The following GSDMD variants were observed in gnomAD, a reference collection of about 807,000 sequenced individuals.
GSDMD encodes the protein gasdermin D, also known as gasdermin-D.
GSDMD carries 46 observed loss-of-function variants against 46.7 expected under a neutral mutation model. That is an observed-to-expected ratio of 0.99 (90% confidence interval 0.78 to 1.26). GSDMD has a LOEUF of 1.26. GSDMD is among the 50% of genes most tolerant of loss of function. The pLI is 0.00. For synonymous variants in GSDMD, 307 were observed against 283.1 expected (o/e 1.08, Z -0.85); for missense variants, 649 against 638.8 (o/e 1.02, Z -0.17).
chr8:143,557,441 A>ACGAAGGATGCTGCCGCTTTGG (rs1823332625), upstream of GSDMD, among the ~76,000 whole-genome samples: 1 of 75,954 alleles, frequency 1.3e-5, no homozygotes, highest in Admixed American at 1.3e-4. Context: ...TGCCGCTGTG[A>ACGAAGGATGCTGCCGCTTTGG]CGACGGATGC....
At chr8:143,561,457 G>A (rs368469297) in intron 6 of GSDMD, 34 bp downstream of exon 6, 273 of 1,594,398 alleles carry the variant, frequency 1.7e-4, no homozygotes, top group Non-Finnish European at 2.3e-4. Context: ...TGGGGTGTCC[G>A]GTGGGAAAAG....
Position 143,559,466 on chromosome 8 carries a change from C to T in GSDMD, c.131C>T (p.Pro44Leu), listed in dbSNP as rs1250845211. 5.0e-6 allele frequency: 8 copies of T among 1,612,810 alleles called. No homozygotes were observed. The highest frequency in any genetic ancestry group is 6.8e-6 in the Non-Finnish European group (8 of 1,180,008). Residue 44 changes from proline to leucine, a missense_variant, in exon 2 of 11, where the codon CCC becomes CTC. Coordinates refer to ENST00000262580, the MANE Select transcript of GSDMD (RefSeq NM_024736.7). ...CCCTACTGCCTGGTGGTTAGGAAGCCCTCAAGCTCATGGTTCTGGAAACCC... is the reference window on the plus strand; with the variant it reads ...CCCTACTGCCTGGTGGTTAGGAAGCTCTCAAGCTCATGGTTCTGGAAACCC... ...FQPYCLVVRK[P>L]SSSWFWKPRY... is the part of the protein sequence containing the mutation.
At chr8:143,559,208 C>G in intron 1 of GSDMD, 124 bp from the exon 2 acceptor site, 4 of 655,882 alleles carry the variant, frequency 6.1e-6, no homozygotes, top group South Asian at 5.7e-5. Flanking sequence ...CCAGGATGAG[C>G]TGGGCAGGGC....
In GSDMD at chr8:143,559,816, T is replaced by C. The variant is rs1298454305; in HGVS notation, c.257T>C (p.Met86Thr). 1.2e-6 allele frequency: 2 copies of C among 1,610,236 alleles called. No homozygotes were observed. The highest frequency in any genetic ancestry group is 1.7e-6 in the Non-Finnish European group (2 of 1,178,646). The change falls in exon 3 of 11, where the codon ATG becomes ACG. Residue 86 changes from methionine (M) to threonine (T), a missense_variant. Physicochemically the swap from Met to Thr is moderately conservative, Grantham distance 81. Coordinates refer to ENST00000262580, the MANE Select transcript of GSDMD (RefSeq NM_024736.7). ...AGGAGCTTCCACTTCTACGATGCCATGGATGGGCAGATACAGGGCAGCGTG... is the reference window on the plus strand; with the variant it reads ...AGGAGCTTCCACTTCTACGATGCCACGGATGGGCAGATACAGGGCAGCGTG... ...RGRSFHFYDA[M>T]DGQIQGSVEL...
At chr8:143,555,657 G>C (rs865779163), upstream of GSDMD, among the ~76,000 whole-genome samples, 2 of 152,212 alleles carry the variant, frequency 1.3e-5, no homozygotes, top group Non-Finnish European at 2.9e-5. Flanking sequence ...CCACACCCCA[G>C]GGCGCTGGCT....
intron 10 of GSDMD, 48 bp from the exon 11 acceptor site, chr8:143,562,614 A>G (rs1168629238): frequency 1.3e-6 from 2 of 1,598,204 alleles, no homozygotes; most frequent in Admixed American, 1.7e-5. Context: ...GGCAGGCACA[A>G]GATGCCCAGA....
chr8:143,557,358 C>T (rs1358998483), upstream of GSDMD, among the ~76,000 whole-genome samples: 3 of 150,040 alleles, frequency 2.0e-5, no homozygotes, highest in African/African-American at 7.5e-5. Context: ...GCCGCTTTGG[C>T]GAAGGATGCT....
upstream of GSDMD, among the ~76,000 whole-genome samples, chr8:143,556,896 A>C (rs1009467445): frequency 6.6e-6 from 1 of 152,252 alleles, no homozygotes; most frequent in African/African-American, 2.4e-5. Context: ...TAAAGTGTGC[A>C]ATTCTGTGGG....
chr8:143,558,472 T>TC (rs1563903865), intron 1 of GSDMD, 21 bp downstream of exon 1: 4 of 1,459,966 alleles, frequency 2.7e-6, no homozygotes, highest in African/African-American at 3.0e-5. Context: ...CCCCGCCCCC[T>TC]CCCCCGGCCT....
In GSDMD at chr8:143,558,990, C is replaced by T. The variant is rs1489126036; in HGVS notation, c.-4-342C>T. 1.2e-5 allele frequency: 6 copies of T among 494,890 alleles called. No individual in the cohort carries two copies. In the East Asian group the frequency reaches 1.5e-4, roughly 12 times the overall value. The allele number at this position is 494,890 out of a possible 1,614,324, so 30.7% of individuals were successfully genotyped here. A position where few individuals can be genotyped will look rare whatever the true frequency, so the allele number is the denominator to read the frequency against. ...GGCTGGGTTTTGCAGTGGGTCCCTG[C>T]ACCACGCTCAGGAGGTGACAGCTTG... is the stretch of plus-strand genomic sequence containing the variant. On this transcript the variant is annotated intron_variant, in intron 1 of 10. Coordinates refer to ENST00000262580, the MANE Select transcript of GSDMD (RefSeq NM_024736.7).
In GSDMD at chr8:143,562,137, CG is replaced by C; in HGVS notation, c.996+11del. ...TGCGAGCCTTGGAGGAGGCGGTGAG[CG>C]GGGGAGGGTGCCCGGGGCACACAAG... On this transcript the variant is annotated splice_region_variant and intron_variant, in intron 8 of 10. Transcript: ENST00000262580. 1.3e-6 allele frequency: 2 copies of C among 1,597,836 alleles called. No individual in the cohort carries two copies. The highest frequency in any genetic ancestry group is 1.7e-6 in the Non-Finnish European group (2 of 1,179,088).
rs1357213288 is a variant in GSDMD at position 143,559,490 on chromosome 8, C to G, written c.155C>G (p.Pro52Arg). The G allele has an allele frequency of 1.9e-6, 3 of 1,612,786 alleles. No individual in the cohort carries two copies. Residue 52 changes from proline (P) to arginine (R), a missense_variant, in exon 2 of 11, where the codon CCC becomes CGC. Physicochemically the swap from Pro to Arg is moderately radical, Grantham distance 103. Coordinates refer to ENST00000262580, the MANE Select transcript of GSDMD (RefSeq NM_024736.7). ...RKPSSSWFWK[P>R]RYKCVNLSIK... ...CCCTCAAGCTCATGGTTCTGGAAAC[C>G]CCGTTATAAGTGTGTCAACCTGTCT...
upstream of GSDMD, chr8:143,557,791 C>T: frequency 3.1e-6 from 1 of 322,360 alleles, no homozygotes; most frequent in South Asian, 2.3e-5. Flanking sequence ...TCCTTGATGA[C>T]TAAGGGTGTT....
rs1249262263 is a variant in GSDMD, at chr8:143,563,051, A to G, written c.*147A>G. 1 of 1,051,952 alleles carries G rather than the reference A, an allele frequency of 9.5e-7. No homozygotes were observed. Among genetic ancestry groups the G allele is most frequent in the African/African-American group, 1.6e-5 (1 of 61,556 alleles). The allele number at this position is 1,051,952 out of a possible 1,614,324, so 65.2% of individuals were successfully genotyped here. The stretch of plus-strand genomic sequence containing the variant: ...GTTGGGGAAACACAATAAAGGTGGC[A>G]TACGAAGGAAAGGCTGGTAGCAGAG... On this transcript the variant is annotated 3_prime_UTR_variant, in exon 11 of 11. Transcript: ENST00000262580.
Position 143,561,435 on chromosome 8 carries a change from G to A in GSDMD, c.736+12G>A. 1 of 1,609,614 alleles carries A rather than the reference G, an allele frequency of 6.2e-7. No individual in the cohort carries two copies. Among genetic ancestry groups the A allele is most frequent in the Non-Finnish European group, 8.5e-7 (1 of 1,178,814 alleles). ...GCCACCCGCGACAGGTGAGAGCCGAGAGCCCCCAGCATGGGGTGTCCGGTG... is the reference window on the plus strand; with the variant it reads ...GCCACCCGCGACAGGTGAGAGCCGAAAGCCCCCAGCATGGGGTGTCCGGTG... On this transcript the variant is annotated intron_variant, in intron 6 of 10. Transcript: ENST00000262580.
Position 143,561,426 on chromosome 8 carries a change from G to A in GSDMD, c.736+3G>A. 4 of 1,611,000 alleles carry A rather than the reference G, an allele frequency of 2.5e-6. No individual in the cohort carries two copies. The highest frequency in any genetic ancestry group is 4.5e-5 in the East Asian group (2 of 44,868). On this transcript the variant is annotated splice_donor_region_variant and intron_variant, in intron 6 of 10. Transcript: ENST00000262580. ...GACCTTCCAGCCACCCGCGACAGGT[G>A]AGAGCCGAGAGCCCCCAGCATGGGG... is the stretch of plus-strand genomic sequence containing the variant.
At chr8:143,556,685 G>C (rs1409827913), upstream of GSDMD, among the ~76,000 whole-genome samples, 1 of 152,218 alleles carries the variant, frequency 6.6e-6, no homozygotes, top group Admixed American at 6.5e-5. Context: ...CCACAACCGC[G>C]GAGCGGCTGG....
At chr8:143,557,099 C>T (rs148687424), upstream of GSDMD, among the ~76,000 whole-genome samples, 2 of 152,402 alleles carry the variant, frequency 1.3e-5, no homozygotes, top group African/African-American at 4.8e-5. Context: ...ACGCCGTCCG[C>T]TCCGTGTGCC....
chr8:143,562,320 C>T lies in GSDMD; in HGVS notation c.1108C>T (p.Pro370Ser). 1 of 1,507,062 alleles carries T rather than the reference C, an allele frequency of 6.6e-7. No homozygotes were observed. The highest frequency in any genetic ancestry group is 1.2e-5 in the South Asian group (1 of 83,660). 93.4% of individuals were successfully genotyped at this position (1,507,062 alleles called of 1,614,324 possible). A position where few individuals can be genotyped will look rare whatever the true frequency, so the allele number is the denominator to read the frequency against. Residue 370 changes from proline (P) to serine (S), a missense_variant, in exon 9 of 11, where the codon CCT becomes TCT. By Grantham distance (74) the Pro-to-Ser change is moderately conservative (BLOSUM62 -1). Coordinates refer to ENST00000262580, the MANE Select transcript of GSDMD (RefSeq NM_024736.7). ...SGMLVPELAI[P>S]VVYLLGALTM... ...AATGCTGGTGCCGGAACTCGCTATC[C>T]CTGTTGTCTACCTGCTGGGGGCACT...
Sources: gnomAD v4.1 joint callset for allele counts (sites outside exome capture counted in the v4.1 genomes callset) on GRCh38, gnomAD v4.1.1 for gene constraint, MANE v1.5 for transcripts, NCBI Gene and HGNC (gene_info 2026-07-23, HGNC 2026-07-21) for gene names.